UBE2H: variants seen among roughly 807,000 people sequenced by gnomAD.
UBE2H encodes ubiquitin conjugating enzyme E2 H.
A neutral mutation model predicts 29.0 loss-of-function variants in UBE2H; 3 were observed. The ratio of observed to expected loss-of-function variants is 0.10; its 90% CI spans 0.05 to 0.27. The LOEUF (loss-of-function observed/expected upper bound fraction) is 0.27. Among genes scored for constraint, UBE2H ranks in the 10% least tolerant of loss-of-function variants. UBE2H has a pLI of 1.00. For missense variants in UBE2H, 68 were observed against 228.2 expected, an observed-to-expected ratio of 0.30 and a Z score of 4.52; for synonymous variants, 69 against 82.9, an observed-to-expected ratio of 0.83 and a Z score of 0.91.
intron 5 of UBE2H, among the ~76,000 whole-genome samples, chr7:129,854,060 G>GGTTTTTTTTTTTTTTTTTATTTTATTTT (rs1554430936): frequency 1.0e-5 from 1 of 100,312 alleles, no homozygotes. Flanking sequence ...TTTAGTGTTA[G>GGTTTTTTTTTTTTTTTTTATTTTATTTT]TTTTTTTTTT....
At position 129,837,163 on chromosome 7, in the gene UBE2H, G is replaced by C. The variant is rs188905634; in HGVS notation, c.427+2044C>G. Among the ~76,000 whole-genome samples the C allele has an allele frequency of 2.4e-3, 373 of 152,334 alleles. 1 individual carries two copies. Among genetic ancestry groups the C allele is most frequent in the African/African-American group, 8.2e-3 (339 of 41,572 alleles). ...TGGTGACTGCCACACAAATGGAAATGTCCAGCAGCAGCTTGGGAGAGAGGC... is the reference window on the plus strand; with the variant it reads ...TGGTGACTGCCACACAAATGGAAATCTCCAGCAGCAGCTTGGGAGAGAGGC... On this transcript the variant is annotated intron_variant, in intron 6 of 6. Transcript: ENST00000355621.
At chr7:129,943,319 C>A (rs1162395250) in intron 1 of UBE2H, among the ~76,000 whole-genome samples, 1 of 152,202 alleles carries the variant, frequency 6.6e-6, no homozygotes, top group Non-Finnish European at 1.5e-5. Context: ...CAAGTGCATG[C>A]CACCATACCT....
intron 1 of UBE2H, among the ~76,000 whole-genome samples, chr7:129,944,886 C>A (rs1314600619): frequency 6.6e-6 from 1 of 151,534 alleles, no homozygotes; most frequent in Non-Finnish European, 1.5e-5. Context: ...CCAAATGCCA[C>A]CAAGCATTAA....
intron 5 of UBE2H, among the ~76,000 whole-genome samples, chr7:129,841,764 TA>T (rs1046349362): frequency 1.2e-4 from 18 of 152,180 alleles, no homozygotes; most frequent in African/African-American, 4.3e-4. Context: ...AGAACGGTCC[TA>T]AAGAGCCACT....
intron 1 of UBE2H, among the ~76,000 whole-genome samples, chr7:129,946,872 G>A (rs892752498): frequency 2.6e-5 from 4 of 152,166 alleles, no homozygotes; most frequent in Non-Finnish European, 5.9e-5. Context: ...TAGGTCTACA[G>A]GTAAAAAGCT....
chr7:129,920,255 C>T (rs1807130189), intron 1 of UBE2H, among the ~76,000 whole-genome samples: 1 of 151,966 alleles, frequency 6.6e-6, no homozygotes, highest in Admixed American at 6.6e-5. Flanking sequence ...AATAAACACA[C>T]ACATATTTTG....
intron 3 of UBE2H, chr7:129,865,162 T>C (rs1015439384): frequency 7.4e-5 from 26 of 350,318 alleles, no homozygotes; most frequent in African/African-American, 5.5e-4. Flanking sequence ...ATGCCTTGCT[T>C]TTGCTTGTTC....
chr7:129,868,449 G>A (rs1354204851), intron 3 of UBE2H, among the ~76,000 whole-genome samples: 7 of 150,010 alleles, frequency 4.7e-5, no homozygotes, highest in East Asian at 1.9e-4. Context: ...GCGCGGTGGC[G>A]GGCGCCTGTA....
At chr7:129,902,414 TCGCTTGGA>T (rs1806734949) in intron 1 of UBE2H, among the ~76,000 whole-genome samples, 1 of 152,234 alleles carries the variant, frequency 6.6e-6, no homozygotes, top group Non-Finnish European at 1.5e-5. Flanking sequence ...GGCAGGAGAA[TCGCTTGGA>T]CCTGGGAGGC....
At chr7:129,924,938 G>A (rs981016480) in intron 1 of UBE2H, among the ~76,000 whole-genome samples, 2 of 151,400 alleles carry the variant, frequency 1.3e-5, no homozygotes, top group African/African-American at 4.9e-5. Flanking sequence ...GAGGGTACAA[G>A]CTAAACTATG....
At chr7:129,854,069 T>TTTTTTTTTATTTTTTTTTTA (rs1563022992) in intron 5 of UBE2H, among the ~76,000 whole-genome samples, 5 of 149,516 alleles carry the variant, frequency 3.3e-5, no homozygotes, top group Non-Finnish European at 6.0e-5. Context: ...AGTTTTTTTT[T>TTTTTTTTTATTTTTTTTTTA]TTTTTTTTTT....
At chr7:129,909,693 T>TA (rs999358257) in intron 1 of UBE2H, among the ~76,000 whole-genome samples, 1 of 152,074 alleles carries the variant, frequency 6.6e-6, no homozygotes, top group African/African-American at 2.4e-5. Flanking sequence ...CTGTCTGTAT[T>TA]AAAAAATATA....
chr7:129,933,690 C>T (rs1807454677), intron 1 of UBE2H, among the ~76,000 whole-genome samples: 1 of 152,206 alleles, frequency 6.6e-6, no homozygotes, highest in African/African-American at 2.4e-5. Flanking sequence ...TCAACACTTT[C>T]CTGCAAGATT....
intron 5 of UBE2H, among the ~76,000 whole-genome samples, chr7:129,841,171 C>T (rs1805423024): frequency 6.6e-6 from 1 of 152,222 alleles, no homozygotes; most frequent in African/African-American, 2.4e-5. Context: ...TTGCAGGCCA[C>T]ATATGGTCTC....
At chr7:129,931,246 C>T (rs1455827236) in intron 1 of UBE2H, among the ~76,000 whole-genome samples, 2 of 145,504 alleles carry the variant, frequency 1.4e-5, no homozygotes, top group Middle Eastern at 3.9e-3. Flanking sequence ...AAAATTGCCA[C>T]GCGTGGTGGT....
At chr7:129,843,598 T>C (rs986500105) in intron 5 of UBE2H, among the ~76,000 whole-genome samples, 1 of 152,186 alleles carries the variant, frequency 6.6e-6, no homozygotes, top group Non-Finnish European at 1.5e-5. Context: ...ATACCATCGC[T>C]GGCAGGGAAG....
intron 1 of UBE2H, among the ~76,000 whole-genome samples, chr7:129,928,079 TC>T (rs1224106198): frequency 6.8e-6 from 1 of 147,312 alleles, no homozygotes; most frequent in East Asian, 2.0e-4. Flanking sequence ...ACGCCTGTAA[TC>T]CCAATACTTT....
chr7:129,876,029 A>G (rs746028859), intron 3 of UBE2H, among the ~76,000 whole-genome samples: 26 of 152,268 alleles, frequency 1.7e-4, no homozygotes, highest in Admixed American at 7.2e-4. Context: ...TTCTAAATTG[A>G]GGTGCTGACT....
At chr7:129,880,588 T>C (rs1420399585) in intron 2 of UBE2H, among the ~76,000 whole-genome samples, 1 of 152,206 alleles carries the variant, frequency 6.6e-6, no homozygotes, top group African/African-American at 2.4e-5. Flanking sequence ...ACAAGTAATC[T>C]AGATGTGATT....
Sources: gnomAD v4.1 joint callset for allele counts (sites outside exome capture counted in the v4.1 genomes callset) on GRCh38, gnomAD v4.1.1 for gene constraint, MANE v1.5 for transcripts, NCBI Gene and HGNC (gene_info 2026-07-23, HGNC 2026-07-21) for gene names.